DLG2: variants seen among roughly 807,000 people sequenced by gnomAD.
DLG2 encodes discs large MAGUK scaffold protein 2, also known as disks large homolog 2.
Under a neutral mutation model 132.5 loss-of-function variants are expected in DLG2, and 45 were observed. The observed-to-expected ratio is 0.34, with a 90% CI of 0.27 to 0.44. The LOEUF (loss-of-function observed/expected upper bound fraction) is 0.44, where lower values mean the gene tolerates loss of function less well. Among genes scored for constraint, DLG2 ranks in the 20% least tolerant of loss-of-function variants. The probability of loss-of-function intolerance (pLI) is 1.00; values close to 1 mark genes in which losing one functional copy is unlikely to be tolerated. For missense variants in DLG2, 1,045 were observed against 1,196.9 expected, an observed-to-expected ratio of 0.87 and a Z score of 1.87; for synonymous variants, 424 against 419.6, an observed-to-expected ratio of 1.01 and a Z score of -0.13.
At chr11:85,451,770 G>A (rs961078682) in intron 3 of DLG2, among the ~76,000 whole-genome samples, 1 of 152,234 alleles carries the variant, frequency 6.6e-6, no homozygotes, top group African/African-American at 2.4e-5. Flanking sequence ...GGCTGGTCTT[G>A]AACTCTTGGC....
At chr11:83,861,067 T>C (rs115524672) in intron 16 of DLG2, among the ~76,000 whole-genome samples, 3,697 of 152,222 alleles carry the variant, frequency 0.024, 144 homozygotes, top group African/African-American at 0.083. Flanking sequence ...AATGGACTAA[T>C]AAAAATTCAC....
intron 6 of DLG2, among the ~76,000 whole-genome samples, chr11:84,813,208 A>T (rs1040085793): frequency 6.6e-6 from 1 of 152,006 alleles, no homozygotes; most frequent in African/African-American, 2.4e-5. Context: ...ACACACACAA[A>T]TGTAGGCCTG....
At chr11:83,536,760 T>C (rs1295163809) in intron 20 of DLG2, among the ~76,000 whole-genome samples, 1 of 152,204 alleles carries the variant, frequency 6.6e-6, no homozygotes, top group Non-Finnish European at 1.5e-5. Flanking sequence ...AAATAAACTC[T>C]CAAGGGGGCT....
intron 19 of DLG2, among the ~76,000 whole-genome samples, chr11:83,605,007 C>CAGAGAGAGATAGAGAGAGAGAGAG (rs2059120941): frequency 7.7e-6 from 1 of 129,834 alleles, no homozygotes; most frequent in Non-Finnish European, 1.7e-5. Context: ...TTTTCAAAGA[C>CAGAGAGAGATAGAGAGAGAGAGAG]AGAGAGAGAG....
At chr11:84,172,994 G>A (rs957503128) in intron 8 of DLG2, among the ~76,000 whole-genome samples, 3 of 151,868 alleles carry the variant, frequency 2.0e-5, no homozygotes, top group Admixed American at 6.6e-5. Context: ...TGTAATTAGC[G>A]GCTTTTTAGC....
At chr11:83,630,544 A>G (rs1208556497) in intron 19 of DLG2, among the ~76,000 whole-genome samples, 1 of 152,222 alleles carries the variant, frequency 6.6e-6, no homozygotes, top group Non-Finnish European at 1.5e-5. Context: ...TATCCTGTGC[A>G]AAAACCTCAA....
chr11:84,895,581 G>C (rs1255295373), intron 6 of DLG2, among the ~76,000 whole-genome samples: 1 of 152,090 alleles, frequency 6.6e-6, no homozygotes, highest in Non-Finnish European at 1.5e-5. Context: ...GTTCAATAAA[G>C]TAATTTTGGG....
intron 9 of DLG2, among the ~76,000 whole-genome samples, chr11:84,140,690 A>G (rs2094804477): frequency 1.3e-5 from 2 of 152,174 alleles, no homozygotes; most frequent in African/African-American, 2.4e-5. Context: ...ACAAACAAAA[A>G]TAAATGTATC....
chr11:84,051,525 C>T (rs2096379434), intron 11 of DLG2, among the ~76,000 whole-genome samples: 1 of 146,374 alleles, frequency 6.8e-6, no homozygotes, highest in South Asian at 2.1e-4. Flanking sequence ...ATCGCAAGGA[C>T]AAAATACCAA....
At chr11:85,139,966 G>C (rs1051239222) in intron 5 of DLG2, among the ~76,000 whole-genome samples, 2 of 151,694 alleles carry the variant, frequency 1.3e-5, no homozygotes, top group African/African-American at 2.4e-5. Context: ...GTCCTCCCAG[G>C]CTCCTCCATG....
chr11:84,898,463 C>T (rs1352297138), intron 6 of DLG2, among the ~76,000 whole-genome samples: 1 of 152,032 alleles, frequency 6.6e-6, no homozygotes, highest in African/African-American at 2.4e-5. Context: ...TTATCTTCAT[C>T]ATACAATTTC....
chr11:84,933,931 T>C (rs1394132676), intron 6 of DLG2, among the ~76,000 whole-genome samples: 2 of 152,226 alleles, frequency 1.3e-5, no homozygotes, highest in East Asian at 3.9e-4. Flanking sequence ...GGCATCCTTT[T>C]ATTGTGCCAG....
intron 6 of DLG2, among the ~76,000 whole-genome samples, chr11:85,082,530 T>C (rs1285364231): frequency 1.3e-5 from 2 of 151,958 alleles, no homozygotes; most frequent in Admixed American, 6.6e-5. Flanking sequence ...CAGAAGACCC[T>C]AAAAAGAGGT....
intron 14 of DLG2, among the ~76,000 whole-genome samples, chr11:83,945,486 C>T (rs1169209110): frequency 6.6e-6 from 1 of 152,150 alleles, no homozygotes; most frequent in Non-Finnish European, 1.5e-5. Context: ...AAAATCTGAG[C>T]TCCTAAACTG....
At chr11:83,894,917 T>A (rs2071118349) in intron 15 of DLG2, among the ~76,000 whole-genome samples, 1 of 152,148 alleles carries the variant, frequency 6.6e-6, no homozygotes, top group Non-Finnish European at 1.5e-5. Flanking sequence ...GCCTGGCTTA[T>A]TTTATTTAAA....
In DLG2 at chr11:84,600,227, AAAGAAAGACAGAAAAGC is replaced by A. The variant is rs1565420461; in HGVS notation, c.358-65513_358-65497del. On this transcript the variant is annotated intron_variant, in intron 6 of 27. Transcript: ENST00000376104. Reference sequence around the variant, plus strand: ...AAGAAAGAAAGAAAGAAAGAAAGAGAAAGAAAGACAGAAAAGCAAGCAAGCAAGCAGGCAGGCAGGCG... The same window carrying A: ...AAGAAAGAAAGAAAGAAAGAAAGAGAAAGCAAGCAAGCAGGCAGGCAGGCG... Among the ~76,000 whole-genome samples, 12 of 132,322 alleles carry A rather than the reference AAAGAAAGACAGAAAAGC, an allele frequency of 9.1e-5. No homozygotes were observed. The South Asian group carries it at 1.3e-3, about 14-fold the overall frequency. The allele number at this position is 132,322 out of a possible 152,430, so 86.8% of individuals were successfully genotyped here. A position where few individuals can be genotyped will look rare whatever the true frequency, so the allele number is the denominator to read the frequency against.
rs536609992 is a variant in DLG2 at position 84,510,947 on chromosome 11, C to T, written c.519+23623G>A. ...GACAGAGGGAGGAGGGCTCCAAAGC[C>T]GAAAGAGGAGACCCCTACCAGGATA... On this transcript the variant is annotated intron_variant, in intron 7 of 27. Transcript: ENST00000376104. Among the ~76,000 whole-genome samples the T allele has an allele frequency of 3.3e-5, 5 of 152,018 alleles. No homozygotes were observed. In the East Asian group the frequency reaches 5.8e-4, roughly 18 times the overall value.
Position 85,483,192 on chromosome 11 carries a change from C to T in DLG2, c.40+115465G>A, listed in dbSNP as rs564486813. The stretch of plus-strand genomic sequence containing the variant: ...TCCTATTAGCAAGAGAAAATTAGCA[C>T]GAGGATCCTTATTAGTGAGAGAAAA... On this transcript the variant is annotated intron_variant, in intron 3 of 27. Coordinates refer to ENST00000376104, the MANE Select transcript of DLG2 (RefSeq NM_001142699.3). Among the ~76,000 whole-genome samples the T allele has an allele frequency of 7.2e-5, 11 of 152,226 alleles. 1 individual carries two copies. Among genetic ancestry groups the T allele is most frequent in the Admixed American group, 3.9e-4 (6 of 15,300 alleles).
chr11:85,442,122 T>A (rs895135247), intron 3 of DLG2, among the ~76,000 whole-genome samples: 4 of 152,150 alleles, frequency 2.6e-5, no homozygotes, highest in Non-Finnish European at 5.9e-5. Flanking sequence ...CCATAGAGAA[T>A]ATATTATGTA....
Sources: gnomAD v4.1 joint callset for allele counts (sites outside exome capture counted in the v4.1 genomes callset) on GRCh38, gnomAD v4.1.1 for gene constraint, MANE v1.5 for transcripts, NCBI Gene and HGNC (gene_info 2026-07-23, HGNC 2026-07-21) for gene names.